ZMAT4: variants seen among roughly 807,000 people sequenced by gnomAD.
ZMAT4 encodes the protein zinc finger matrin-type 4.
Under a neutral mutation model 28.7 loss-of-function variants are expected in ZMAT4, and 17 were observed. The ratio of observed to expected loss-of-function variants is 0.59; its 90% CI spans 0.41 to 0.89. The LOEUF is 0.89. Among genes scored for constraint, ZMAT4 ranks in the 40% least tolerant of loss-of-function variants. The pLI is 0.00. For missense variants in ZMAT4, 240 were observed against 283.8 expected (o/e 0.85, Z 1.11); for synonymous variants, 117 against 109.2 (o/e 1.07, Z -0.44).
intron 5 of ZMAT4, among the ~76,000 whole-genome samples, chr8:40,649,623 T>A (rs898718535): frequency 1.3e-5 from 2 of 151,902 alleles, no homozygotes; most frequent in African/African-American, 4.8e-5. Flanking sequence ...AGAATATACA[T>A]TTTTTTCAGC....
At chr8:40,603,843 G>C (rs1805487410) in intron 5 of ZMAT4, among the ~76,000 whole-genome samples, 1 of 152,090 alleles carries the variant, frequency 6.6e-6, no homozygotes, top group African/African-American at 2.4e-5. Context: ...TGTTAGCCAG[G>C]ATGGTCTCAA....
In ZMAT4 at chr8:40,575,441, C is replaced by T. The variant is rs374541080; in HGVS notation, c.674+5724G>A. ...GCCAGCTGACCCACCAAGTGTATGGCCATGTCCCCAGACTGAGAACCAGTT... is the reference window on the plus strand; with the variant it reads ...GCCAGCTGACCCACCAAGTGTATGGTCATGTCCCCAGACTGAGAACCAGTT... On this transcript the variant is annotated intron_variant, in intron 6 of 6. Transcript: ENST00000297737. Among the ~76,000 whole-genome samples, 5 of 152,158 alleles carry T rather than the reference C, an allele frequency of 3.3e-5. No individual in the cohort carries two copies. The East Asian group carries it at 9.7e-4, about 29-fold the overall frequency.
At chr8:40,811,990 G>A (rs551771621) in intron 2 of ZMAT4, among the ~76,000 whole-genome samples, 2 of 151,358 alleles carry the variant, frequency 1.3e-5, no homozygotes, top group South Asian at 4.2e-4. Context: ...AATTAGCCAG[G>A]CGTGGTGGTG....
intron 4 of ZMAT4, among the ~76,000 whole-genome samples, chr8:40,676,960 A>G (rs2150475479): frequency 6.6e-6 from 1 of 152,312 alleles, no homozygotes; most frequent in East Asian, 1.9e-4. Flanking sequence ...AGGTAATTGA[A>G]TCTCACTTTC....
chr8:40,786,802 A>G (rs1563483657), intron 2 of ZMAT4: 1 of 1,204,130 alleles, frequency 8.3e-7, no homozygotes, highest in East Asian at 5.7e-5. Flanking sequence ...ATGGGAACAA[A>G]CAGACTGTGC....
intron 2 of ZMAT4, among the ~76,000 whole-genome samples, chr8:40,795,387 T>A (rs4736880): frequency 7.9e-5 from 12 of 152,098 alleles, no homozygotes; most frequent in East Asian, 1.9e-4. Flanking sequence ...AAAGCTGTAC[T>A]GGATCCTTAT....
chr8:40,642,908 C>G (rs1178478368), intron 5 of ZMAT4, among the ~76,000 whole-genome samples: 1 of 152,106 alleles, frequency 6.6e-6, no homozygotes, highest in Non-Finnish European at 1.5e-5. Flanking sequence ...TTAAAAGATA[C>G]CAAAGTTTTC....
At chr8:40,555,637 C>T (rs1248261102) in intron 6 of ZMAT4, among the ~76,000 whole-genome samples, 1 of 152,138 alleles carries the variant, frequency 6.6e-6, no homozygotes, top group Non-Finnish European at 1.5e-5. Flanking sequence ...GTAGTGGCAA[C>T]ACATAACTAC....
intron 5 of ZMAT4, among the ~76,000 whole-genome samples, chr8:40,613,805 G>A (rs1667414230): frequency 6.6e-6 from 1 of 152,136 alleles, no homozygotes; most frequent in African/African-American, 2.4e-5. Flanking sequence ...TGCACTGGAG[G>A]GCGTGGAATT....
chr8:40,867,577 T>C (rs1432810083), intron 1 of ZMAT4, among the ~76,000 whole-genome samples: 5 of 152,184 alleles, frequency 3.3e-5, no homozygotes. Context: ...ACTCCAGCCA[T>C]ACCAGCCTCC....
At chr8:40,615,128 C>CA (rs1805951476) in intron 5 of ZMAT4, among the ~76,000 whole-genome samples, 1 of 152,076 alleles carries the variant, frequency 6.6e-6, no homozygotes, top group Non-Finnish European at 1.5e-5. Context: ...CTGGTGGTGA[C>CA]AAAATCTCTC....
At chr8:40,622,030 T>C (rs971019897) in intron 5 of ZMAT4, among the ~76,000 whole-genome samples, 14 of 152,212 alleles carry the variant, frequency 9.2e-5, no homozygotes, top group Admixed American at 8.5e-4. Flanking sequence ...TATAAGAACA[T>C]TTATTATATG....
chr8:40,596,724 T>C (rs1279406672), intron 5 of ZMAT4, among the ~76,000 whole-genome samples: 1 of 152,202 alleles, frequency 6.6e-6, no homozygotes, highest in African/African-American at 2.4e-5. Context: ...TATCTACAGA[T>C]TCATATTTGT....
intron 6 of ZMAT4, 85 bp from the exon 7 acceptor site, chr8:40,532,323 T>C (rs1429966): frequency 0.77 from 926,566 of 1,205,466 alleles, 358,060 homozygotes; most frequent in East Asian, 0.99. Flanking sequence ...CCCCTGTCTC[T>C]CTTCTACTTC....
intron 1 of ZMAT4, among the ~76,000 whole-genome samples, chr8:40,881,436 A>AAAGAAAGAAAGAAAGAAAG (rs1818223229): frequency 6.6e-4 from 32 of 48,628 alleles, no homozygotes; most frequent in African/African-American, 2.2e-3. Context: ...AGAAAGAGAG[A>AAAGAAAGAAAGAAAGAAAG]AAGAAAGAAA....
chr8:40,662,466 G>A (rs770115500), intron 5 of ZMAT4, among the ~76,000 whole-genome samples: 9 of 152,142 alleles, frequency 5.9e-5, no homozygotes, highest in African/African-American at 7.2e-5. Flanking sequence ...TTTGCCCACA[G>A]TGCATAAATG....
chr8:40,581,348 C>G, intron 5 of ZMAT4, 87 bp from the exon 6 acceptor site: 1 of 1,144,014 alleles, frequency 8.7e-7, no homozygotes, highest in Non-Finnish European at 1.3e-6. Context: ...TTCAGGGACA[C>G]AGTGTCGGAG....
chr8:40,636,102 G>A (rs2118743837), intron 5 of ZMAT4, among the ~76,000 whole-genome samples: 1 of 152,330 alleles, frequency 6.6e-6, no homozygotes, highest in East Asian at 1.9e-4. Context: ...TTCCCCCAAA[G>A]AGCCTGCAAT....
intron 6 of ZMAT4, among the ~76,000 whole-genome samples, chr8:40,575,268 C>T (rs1003186115): frequency 2.6e-5 from 4 of 152,178 alleles, no homozygotes; most frequent in Non-Finnish European, 5.9e-5. Context: ...ATTGCTGAGC[C>T]ACTGTATGCT....
Sources: gnomAD v4.1 joint callset for allele counts (sites outside exome capture counted in the v4.1 genomes callset) on GRCh38, gnomAD v4.1.1 for gene constraint, MANE v1.5 for transcripts, NCBI Gene and HGNC (gene_info 2026-07-23, HGNC 2026-07-21) for gene names.